The following RGSL1 variants were observed in gnomAD, a reference collection of about 807,000 sequenced individuals.
RGSL1 encodes the protein regulator of G protein signaling protein-like.
RGSL1 carries 97 observed loss-of-function variants against 124.7 expected under a neutral mutation model. The ratio of observed to expected loss-of-function variants is 0.78; its 90% CI spans 0.66 to 0.92. RGSL1 has a LOEUF of 0.92. Among genes scored for constraint, RGSL1 ranks in the 40% least tolerant of loss-of-function variants. The probability of loss-of-function intolerance (pLI) is 0.00; values close to 1 mark genes in which losing one functional copy is unlikely to be tolerated. For synonymous variants in RGSL1, 424 were observed against 438.1 expected (o/e 0.97, Z 0.40); for missense variants, 1,233 against 1,288.4 (o/e 0.96, Z 0.66).
intron 9 of RGSL1, among the ~76,000 whole-genome samples, chr1:182,517,208 T>C (rs1307337845): frequency 6.6e-6 from 1 of 152,096 alleles, no homozygotes; most frequent in Non-Finnish European, 1.5e-5. Context: ...CTGTTCTGTA[T>C]GATTTCTATT....
chr1:182,501,029 T>C (rs72725011), intron 9 of RGSL1, among the ~76,000 whole-genome samples: 26 of 152,278 alleles, frequency 1.7e-4, no homozygotes, highest in Non-Finnish European at 3.1e-4. Context: ...AGTACAATGC[T>C]AAATAAAAAC....
At chr1:182,522,864 T>C (rs1658450119) in intron 10 of RGSL1, among the ~76,000 whole-genome samples, 2 of 152,192 alleles carry the variant, frequency 1.3e-5, no homozygotes, top group Non-Finnish European at 1.5e-5. Context: ...CACTTACTCA[T>C]GTATTCATTT....
Position 182,558,626 on chromosome 1 carries a change from G to A in RGSL1, c.*166-1653G>A, listed in dbSNP as rs372389133. Among the ~76,000 whole-genome samples, 8 of 152,120 alleles carry A rather than the reference G, an allele frequency of 5.3e-5. No individual in the cohort carries two copies. In the East Asian group the frequency reaches 1.2e-3, roughly 22 times the overall value. On this transcript the variant is annotated intron_variant, in intron 21 of 21. Transcript: ENST00000294854. Reference sequence around the variant, plus strand: ...CCTTCCTGGCTGTCAGCTGAGAGCCGTTCCCAGTTTCTGAGAAGCCACCTG... The same window carrying A: ...CCTTCCTGGCTGTCAGCTGAGAGCCATTCCCAGTTTCTGAGAAGCCACCTG...
intron 2 of RGSL1, among the ~76,000 whole-genome samples, chr1:182,455,022 A>C (rs1205633273): frequency 1.3e-5 from 2 of 152,138 alleles, no homozygotes; most frequent in Non-Finnish European, 1.5e-5. Context: ...GGCTGGGCTT[A>C]GTATTGGGGA....
chr1:182,509,627 G>A (rs1381336407), intron 9 of RGSL1, among the ~76,000 whole-genome samples: 3 of 126,772 alleles, frequency 2.4e-5, no homozygotes, highest in Admixed American at 7.3e-5. Flanking sequence ...GGGCAGAGGC[G>A]CCCCTCACCT....
chr1:182,479,261 G>A (rs1024259333), intron 6 of RGSL1, among the ~76,000 whole-genome samples: 1 of 152,060 alleles, frequency 6.6e-6, no homozygotes, highest in African/African-American at 2.4e-5. Flanking sequence ...TTAAGACAAA[G>A]TTGTAAGAAT....
chr1:182,551,328 A>T, intron 18 of RGSL1, 119 bp downstream of exon 18: 2 of 768,552 alleles, frequency 2.6e-6, no homozygotes, highest in South Asian at 3.5e-5. Context: ...GAGCCGGGAC[A>T]GCTCATTTAC....
chr1:182,519,412 T>G (rs1258493247), intron 9 of RGSL1, among the ~76,000 whole-genome samples: 3 of 152,232 alleles, frequency 2.0e-5, no homozygotes, highest in African/African-American at 7.2e-5. Flanking sequence ...TCCCATTGTC[T>G]GTTGGCTTCC....
chr1:182,449,988 TAAGATAA>T (rs1651685476), upstream of RGSL1: 2 of 682,458 alleles, frequency 2.9e-6, no homozygotes, highest in Non-Finnish European at 5.1e-6. Context: ...GCAGATTAGG[TAAGATAA>T]AGACTTATCT....
At chr1:182,507,620 C>T (rs1656920048) in intron 9 of RGSL1, among the ~76,000 whole-genome samples, 1 of 152,088 alleles carries the variant, frequency 6.6e-6, no homozygotes, top group Admixed American at 6.5e-5. Flanking sequence ...TTTCTTTATC[C>T]ATTCATCTTT....
intron 14 of RGSL1, 28 bp downstream of exon 14, chr1:182,532,819 T>A (rs773375175): frequency 1.9e-6 from 3 of 1,540,740 alleles, no homozygotes; most frequent in Middle Eastern, 1.7e-4. Context: ...TTACCCCCAC[T>A]CCCTGTTGAT....
chr1:182,472,362 G>T (rs757050009), intron 4 of RGSL1, 34 bp from the exon 5 acceptor site: 2 of 1,529,204 alleles, frequency 1.3e-6, no homozygotes. Flanking sequence ...CAAAACTAGG[G>T]TATAGCTCTG....
intron 2 of RGSL1, among the ~76,000 whole-genome samples, chr1:182,457,373 C>A (rs761920588): frequency 6.6e-6 from 1 of 152,282 alleles, no homozygotes; most frequent in Middle Eastern, 3.4e-3. Context: ...TTAAAGGTAG[C>A]TTAACACCCC....
chr1:182,462,497 C>A (rs1489629054), intron 4 of RGSL1, among the ~76,000 whole-genome samples: 1 of 152,028 alleles, frequency 6.6e-6, no homozygotes, highest in Non-Finnish European at 1.5e-5. Flanking sequence ...TGATTTATAA[C>A]TGCCCTTTTT....
At chr1:182,530,538 TACAC>T (rs34247322) in intron 12 of RGSL1, among the ~76,000 whole-genome samples, 177 bp downstream of exon 12, 49 of 149,254 alleles carry the variant, frequency 3.3e-4, no homozygotes, top group African/African-American at 8.9e-4. Flanking sequence ...CACACACACA[TACAC>T]ACACACACAC....
At chr1:182,475,909 T>C (rs1654255764) in intron 6 of RGSL1, among the ~76,000 whole-genome samples, 1 of 152,214 alleles carries the variant, frequency 6.6e-6, no homozygotes, top group South Asian at 2.1e-4. Context: ...TTGTGTCCTT[T>C]ATGCTTCTTA....
chr1:182,508,260 G>T (rs1330170731), intron 9 of RGSL1, among the ~76,000 whole-genome samples: 2 of 147,892 alleles, frequency 1.4e-5, no homozygotes, highest in Admixed American at 6.8e-5. Context: ...AATTTTGTTG[G>T]TGGTGGTGAT....
chr1:182,488,734 A>G (rs1380467397), intron 7 of RGSL1: 5 of 373,538 alleles, frequency 1.3e-5, no homozygotes, highest in Middle Eastern at 1.6e-3. Flanking sequence ...TCAAAAAAAA[A>G]AAAAAAAAAA....
At chr1:182,497,320 T>C (rs1301041452) in intron 9 of RGSL1, among the ~76,000 whole-genome samples, 1 of 147,030 alleles carries the variant, frequency 6.8e-6, no homozygotes, top group Non-Finnish European at 1.5e-5. Context: ...TCAGGAGATA[T>C]ATATATTATA....
Sources: allele counts gnomAD v4.1 joint callset (sites outside exome capture counted in the v4.1 genomes callset), GRCh38; gene constraint gnomAD v4.1.1; transcripts MANE v1.5; gene names NCBI Gene and HGNC (gene_info 2026-07-23, HGNC 2026-07-21).